Variants in JPT2 observed in about 807,000 individuals in gnomAD.
The protein encoded by JPT2 is Jupiter microtubule associated homolog 2, also known as CRAMP_1 like.
Under a neutral mutation model 15.9 loss-of-function variants are expected in JPT2, and 9 were observed. The ratio of observed to expected loss-of-function variants is 0.57; its 90% CI spans 0.34 to 0.99. JPT2 has a LOEUF of 0.99. Ranked by LOEUF, JPT2 falls within the 50% of genes least tolerant of loss-of-function variation. The probability of loss-of-function intolerance (pLI) is 0.02; values close to 1 mark genes in which losing one functional copy is unlikely to be tolerated. For missense variants in JPT2, 267 were observed against 252.1 expected, an observed-to-expected ratio of 1.06 and a Z score of -0.40; for synonymous variants, 95 against 91.7, an observed-to-expected ratio of 1.04 and a Z score of -0.21.
At chr16:1,683,849 G>A (rs1463734407) in intron 1 of JPT2, among the ~76,000 whole-genome samples, 1 of 152,162 alleles carries the variant, frequency 6.6e-6, no homozygotes, top group Non-Finnish European at 1.5e-5. Flanking sequence ...TAGTTTTTGT[G>A]TGATGTTGAG....
Position 1,700,316 on chromosome 16 carries a change from C to G in JPT2, c.*1318C>G. 1 of 369,424 alleles carries G rather than the reference C, an allele frequency of 2.7e-6. No homozygotes were observed. 22.9% of individuals were successfully genotyped at this position (369,424 alleles called of 1,614,324 possible). ...TGCTTTCATCTTCAGGCAGAAGCCT[C>G]TGCCCATCCCCCTCAAGGGCTGCAG... On this transcript the variant is annotated 3_prime_UTR_variant, in exon 5 of 5. Transcript: ENST00000248098.
intron 3 of JPT2, among the ~76,000 whole-genome samples, chr16:1,696,858 C>T (rs949541439): frequency 2.6e-5 from 4 of 152,186 alleles, no homozygotes; most frequent in South Asian, 2.1e-4. Context: ...CTGGAGCCCT[C>T]GTGCATTGCT....
intron 1 of JPT2, among the ~76,000 whole-genome samples, chr16:1,684,770 G>T (rs1279500697): frequency 6.6e-6 from 1 of 152,034 alleles, no homozygotes; most frequent in Non-Finnish European, 1.5e-5. Context: ...AGTTAGCCAG[G>T]TGTTGTGGCA....
Position 1,701,243 on chromosome 16 carries a change from CTGTATT to C in JPT2, c.*2252_*2257del, listed in dbSNP as rs1260969820. On this transcript the variant is annotated 3_prime_UTR_variant, in exon 5 of 5. Transcript: ENST00000248098. ...AGCTGCATTGAGAAATGACTCGTCT[CTGTATT>C]TGTATTAAGCCTTAACACTTTTCTT... 1 of 152,668 alleles carries C rather than the reference CTGTATT, an allele frequency of 6.6e-6. No homozygotes were observed. Among genetic ancestry groups the C allele is most frequent in the African/African-American group, 2.4e-5 (1 of 41,452 alleles). 9.5% of individuals were successfully genotyped at this position (152,668 alleles called of 1,614,324 possible). A position where few individuals can be genotyped will look rare whatever the true frequency, so the allele number is the denominator to read the frequency against.
chr16:1,699,218 G>C lies in JPT2; in HGVS notation c.*220G>C. 1 of 671,214 alleles carries C rather than the reference G, an allele frequency of 1.5e-6. No individual in the cohort carries two copies. Among genetic ancestry groups the C allele is most frequent in the Non-Finnish European group, 2.7e-6 (1 of 366,808 alleles). The allele number at this position is 671,214 out of a possible 1,614,324, so 41.6% of individuals were successfully genotyped here. A position where few individuals can be genotyped will look rare whatever the true frequency, so the allele number is the denominator to read the frequency against. ...GTGGGGATGAAATGGGGCACCCCTG[G>C]CCATCACTCATGTGTAGTCCAGGTT... On this transcript the variant is annotated 3_prime_UTR_variant, in exon 5 of 5. Transcript: ENST00000248098.
chr16:1,684,682 G>C (rs1457913839), intron 1 of JPT2, among the ~76,000 whole-genome samples: 2 of 152,122 alleles, frequency 1.3e-5, no homozygotes, highest in African/African-American at 4.8e-5. Context: ...GGAGGTTGTG[G>C]TGAGCTGAGA....
intron 1 of JPT2, among the ~76,000 whole-genome samples, chr16:1,684,672 G>A (rs1226076334): frequency 1.3e-5 from 2 of 151,944 alleles, no homozygotes; most frequent in African/African-American, 2.4e-5. Flanking sequence ...CCCAGGAGGC[G>A]GAGGTTGTGG....
In JPT2 at chr16:1,700,550, T is replaced by TC. The variant is rs1210269688; in HGVS notation, c.*1556dup. On this transcript the variant is annotated 3_prime_UTR_variant, in exon 5 of 5. Coordinates refer to ENST00000248098, the MANE Select transcript of JPT2 (RefSeq NM_144570.3). ...TGCCTGCAGGAGCCGCCTGCCAAGC[T>TC]CCCCTTCCTACACCTGGCACACTGG... is the stretch of plus-strand genomic sequence containing the variant. 5.4e-6 allele frequency: 1 copy of TC among 185,146 alleles called. No homozygotes were observed. The highest frequency in any genetic ancestry group is 2.3e-5 in the African/African-American group (1 of 43,636). The allele number at this position is 185,146 out of a possible 1,614,324, so 11.5% of individuals were successfully genotyped here.
Position 1,699,453 on chromosome 16 carries a change from G to C in JPT2, c.*455G>C. 2 of 355,352 alleles carry C rather than the reference G, an allele frequency of 5.6e-6. No individual in the cohort carries two copies. Among genetic ancestry groups the C allele is most frequent in the Non-Finnish European group, 1.1e-5 (2 of 177,908 alleles). The allele number at this position is 355,352 out of a possible 1,614,324, so 22.0% of individuals were successfully genotyped here. On this transcript the variant is annotated 3_prime_UTR_variant, in exon 5 of 5. Coordinates refer to ENST00000248098, the MANE Select transcript of JPT2 (RefSeq NM_144570.3). Reference sequence around the variant, plus strand: ...GAACCGCTTCCATTCTGGAGATCACGGCTGCTAAATCCAGCATCCCCACTT... The same window carrying C: ...GAACCGCTTCCATTCTGGAGATCACCGCTGCTAAATCCAGCATCCCCACTT...
rs994331552 is a variant in JPT2, at chr16:1,700,319, C to T, written c.*1321C>T. The T allele has an allele frequency of 2.7e-6, 1 of 366,692 alleles. No individual in the cohort carries two copies. The highest frequency in any genetic ancestry group is 2.1e-5 in the African/African-American group (1 of 47,592). The allele number at this position is 366,692 out of a possible 1,614,324, so 22.7% of individuals were successfully genotyped here. A position where few individuals can be genotyped will look rare whatever the true frequency, so the allele number is the denominator to read the frequency against. On this transcript the variant is annotated 3_prime_UTR_variant, in exon 5 of 5. Coordinates refer to ENST00000248098, the MANE Select transcript of JPT2 (RefSeq NM_144570.3). ...TTTCATCTTCAGGCAGAAGCCTCTGCCCATCCCCCTCAAGGGCTGCAGGCC... is the reference window on the plus strand; with the variant it reads ...TTTCATCTTCAGGCAGAAGCCTCTGTCCATCCCCCTCAAGGGCTGCAGGCC...
At chr16:1,695,096 TA>T (rs552393423) in intron 3 of JPT2, among the ~76,000 whole-genome samples, 7 of 152,084 alleles carry the variant, frequency 4.6e-5, no homozygotes, top group Non-Finnish European at 1.0e-4. Flanking sequence ...ACCTCAACTC[TA>T]AAAAAACTTT....
chr16:1,698,151 C>T lies in JPT2; in HGVS notation c.385+291C>T, dbSNP rs2037155616. On this transcript the variant is annotated intron_variant, in intron 4 of 4. Transcript: ENST00000248098. This position sits in a 1 kb window ranked among gnomAD's most constrained non-coding sequence, Gnocchi z 4.9. ...AGGGATCCCAAACCTTCAGTGAACT[C>T]ATGACCAAGCATAGAGCTGGCAGAA... 6.6e-6 allele frequency among the ~76,000 whole-genome samples: 1 copy of T among 152,158 alleles called. No homozygotes were observed. Among genetic ancestry groups the T allele is most frequent in the East Asian group, 1.9e-4 (1 of 5,186 alleles).
chr16:1,688,600 G>A (rs1463390596), intron 2 of JPT2: 1 of 152,212 alleles, frequency 6.6e-6, no homozygotes, highest in Non-Finnish European at 1.5e-5. Context: ...TAGGCCAGGT[G>A]CGGTGGCTCA....
intron 2 of JPT2, chr16:1,688,703 A>C (rs536471270): frequency 6.6e-6 from 1 of 152,214 alleles, no homozygotes; most frequent in Non-Finnish European, 1.5e-5. Flanking sequence ...GCGAGGCCCA[A>C]TCTCCCAAAT....
intron 3 of JPT2, among the ~76,000 whole-genome samples, chr16:1,694,110 T>G (rs1312454774): frequency 1.3e-5 from 2 of 152,192 alleles, no homozygotes; most frequent in African/African-American, 4.8e-5. Flanking sequence ...TTCCCTTTTA[T>G]AAAAGTTTCT....
Position 1,699,564 on chromosome 16 carries a change from A to G in JPT2, c.*566A>G. 2 of 326,824 alleles carry G rather than the reference A, an allele frequency of 6.1e-6. No homozygotes were observed. The highest frequency in any genetic ancestry group is 4.0e-5 in the Admixed American group (1 of 25,146). The allele number at this position is 326,824 out of a possible 1,614,324, so 20.2% of individuals were successfully genotyped here. On this transcript the variant is annotated 3_prime_UTR_variant, in exon 5 of 5. Transcript: ENST00000248098. ...TCGGCAGCTTTCAAAAAACCAAATA[A>G]TAATAGTTATCCGTCTTCTACTTCA...
At chr16:1,688,089 A>G (rs1209831969) in intron 2 of JPT2, among the ~76,000 whole-genome samples, 2 of 152,220 alleles carry the variant, frequency 1.3e-5, no homozygotes, top group East Asian at 1.9e-4. Flanking sequence ...ATGATGACCA[A>G]CGTCTATGAA....
intron 1 of JPT2, chr16:1,680,442 A>G: frequency 2.4e-6 from 3 of 1,226,652 alleles, no homozygotes; most frequent in South Asian, 1.4e-5. Flanking sequence ...AGAAAGGGAG[A>G]AAACTCTTCC....
At chr16:1,696,998 C>CACT (rs957878746) in intron 3 of JPT2, among the ~76,000 whole-genome samples, 12 of 152,182 alleles carry the variant, frequency 7.9e-5, no homozygotes, top group African/African-American at 2.9e-4. Flanking sequence ...AGGAGTCAAA[C>CACT]ACTAGATCCT....
Sources: gnomAD v4.1 joint callset for allele counts (sites outside exome capture counted in the v4.1 genomes callset) on GRCh38, gnomAD v4.1.1 for gene constraint, Gnocchi (gnomAD v3.1) non-coding constraint, MANE v1.5 for transcripts, NCBI Gene and HGNC (gene_info 2026-07-23, HGNC 2026-07-21) for gene names.